The following CBL variants were observed in gnomAD, a reference collection of about 807,000 sequenced individuals.
CBL encodes Cbl proto-oncogene.
A neutral mutation model predicts 96.9 loss-of-function variants in CBL; 45 were observed. The observed-to-expected ratio is 0.46, with a 90% CI of 0.37 to 0.60. CBL has a LOEUF of 0.60. Among genes scored for constraint, CBL ranks in the 20% least tolerant of loss-of-function variants. The pLI, the probability that CBL is intolerant of heterozygous loss-of-function variation, is 0.00. For missense variants in CBL, 1,024 were observed against 1,143.5 expected (o/e 0.90, Z 1.51); for synonymous variants, 420 against 426.8 (o/e 0.98, Z 0.20).
At chr11:119,237,036 C>T (rs1949551907) in intron 2 of CBL, among the ~76,000 whole-genome samples, 1 of 152,158 alleles carries the variant, frequency 6.6e-6, no homozygotes, top group African/African-American at 2.4e-5. Flanking sequence ...TACTTTATCC[C>T]AGCTGGGATG....
chr11:119,261,392 A>C (rs1340885488), intron 2 of CBL, among the ~76,000 whole-genome samples: 1 of 152,212 alleles, frequency 6.6e-6, no homozygotes, highest in Non-Finnish European at 1.5e-5. Context: ...ATCGATGTCT[A>C]AGTTACATAC....
chr11:119,260,284 G>A (rs571933812), intron 2 of CBL, among the ~76,000 whole-genome samples: 33 of 144,700 alleles, frequency 2.3e-4, no homozygotes, highest in East Asian at 1.2e-3. Flanking sequence ...TCACTCTGTC[G>A]TTCAGACTGG....
At chr11:119,263,438 T>G (rs1229673067) in intron 2 of CBL, among the ~76,000 whole-genome samples, 4 of 150,890 alleles carry the variant, frequency 2.7e-5, no homozygotes, top group Non-Finnish European at 6.0e-5. Context: ...GAGTTAGATG[T>G]GTCCCCTTTA....
chr11:119,256,483 A>G (rs1340862744), intron 2 of CBL, among the ~76,000 whole-genome samples: 1 of 151,992 alleles, frequency 6.6e-6, no homozygotes, highest in East Asian at 1.9e-4. Flanking sequence ...GCCTGACCAT[A>G]TTTGTACATT....
rs376153112 is a variant in CBL at position 119,209,085 on chromosome 11, A to G, written c.195+2473A>G. On this transcript the variant is annotated intron_variant, in intron 1 of 15. Transcript: ENST00000264033. ...TTGCTCTGAAAACGTAGTACTTTCTAATGTGTTAGTCTGATACGTTTATAC... is the reference window on the plus strand; with the variant it reads ...TTGCTCTGAAAACGTAGTACTTTCTGATGTGTTAGTCTGATACGTTTATAC... Among the ~76,000 whole-genome samples, 3 of 152,086 alleles carry G rather than the reference A, an allele frequency of 2.0e-5. No homozygotes were observed. The South Asian group carries it at 6.2e-4, about 32-fold the overall frequency.
chr11:119,213,099 G>A (rs1453284304), intron 1 of CBL, among the ~76,000 whole-genome samples: 3 of 151,802 alleles, frequency 2.0e-5, no homozygotes, highest in African/African-American at 7.3e-5. Context: ...ACAGGCTTGA[G>A]CCACTGCGCC....
chr11:119,268,080 T>A lies in CBL; in HGVS notation c.444-3655T>A, dbSNP rs117108887. Among the ~76,000 whole-genome samples the A allele has an allele frequency of 2.3e-3, 343 of 152,274 alleles. 3 individuals carry two copies. Among genetic ancestry groups the A allele is most frequent in the Non-Finnish European group, 3.7e-3 (253 of 68,014 alleles). On this transcript the variant is annotated intron_variant, in intron 2 of 15. Coordinates refer to ENST00000264033, the MANE Select transcript of CBL (RefSeq NM_005188.4). ...ACATACTAGTGAAGAACTAAGAAGTTAGTTAGAAAGATAGGTTAGATCCAG... is the reference window on the plus strand; with the variant it reads ...ACATACTAGTGAAGAACTAAGAAGTAAGTTAGAAAGATAGGTTAGATCCAG...
At chr11:119,269,196 C>T (rs1420569384) in intron 2 of CBL, among the ~76,000 whole-genome samples, 4 of 149,684 alleles carry the variant, frequency 2.7e-5, no homozygotes, top group African/African-American at 9.8e-5. Context: ...CAAAGGATCT[C>T]AAGGTGCTAG....
chr11:119,226,232 T>C lies in CBL; in HGVS notation c.196-6216T>C, dbSNP rs145039115. ...AAATGATAGGACTAATGCTACCAGG[T>C]TCTGGGAATCATCAAAGGGTGATAT... On this transcript the variant is annotated intron_variant, in intron 1 of 15. Transcript: ENST00000264033. Among the ~76,000 whole-genome samples, 30 of 152,234 alleles carry C rather than the reference T, an allele frequency of 2.0e-4. No homozygotes were observed. The East Asian group carries it at 5.8e-3, about 29-fold the overall frequency.
intron 2 of CBL, among the ~76,000 whole-genome samples, chr11:119,239,895 A>G (rs909027065): frequency 6.6e-6 from 1 of 152,044 alleles, no homozygotes; most frequent in Admixed American, 6.6e-5. Context: ...AGTGCTAGTT[A>G]AATATAGTAC....
chr11:119,291,442 A>T (rs749407652), intron 12 of CBL, among the ~76,000 whole-genome samples: 7 of 152,222 alleles, frequency 4.6e-5, no homozygotes, highest in Non-Finnish European at 8.8e-5. Context: ...GTAGTGCCTC[A>T]TGCCTGTAAT....
At position 119,304,140 on chromosome 11, in the gene CBL, T is replaced by C. The variant is rs921566066; in HGVS notation, c.*4359T>C. The C allele has an allele frequency of 3.4e-5, 8 of 233,358 alleles. No individual in the cohort carries two copies. The highest frequency in any genetic ancestry group is 6.8e-5 in the Non-Finnish European group (8 of 118,052). 14.5% of individuals were successfully genotyped at this position (233,358 alleles called of 1,614,324 possible). ...CCTCCCAGAGCAAGGAGTTTAGGGA[T>C]TCTAAAGCTTAGTGTCCACACATCA... On this transcript the variant is annotated 3_prime_UTR_variant, in exon 16 of 16. Coordinates refer to ENST00000264033, the MANE Select transcript of CBL (RefSeq NM_005188.4).
rs1316377836 is a variant in CBL at position 119,307,987 on chromosome 11, C to T, written c.*8206C>T. On this transcript the variant is annotated 3_prime_UTR_variant, in exon 16 of 16. Coordinates refer to ENST00000264033, the MANE Select transcript of CBL (RefSeq NM_005188.4). ...TTAAGATTCATTTTCATTTTAAGTC[C>T]ATTTTATTTTGCCAGTGTATTAATG... The T allele has an allele frequency of 1.0e-5, 2 of 192,736 alleles. No homozygotes were observed. Among genetic ancestry groups the T allele is most frequent in the African/African-American group, 2.3e-5 (1 of 43,064 alleles). The allele number at this position is 192,736 out of a possible 1,614,324, so 11.9% of individuals were successfully genotyped here. A position where few individuals can be genotyped will look rare whatever the true frequency, so the allele number is the denominator to read the frequency against.
Position 119,298,476 on chromosome 11 carries a change from C to T in CBL, c.2370C>T (p.Leu790=), listed in dbSNP as rs1303071945. 9 of 1,614,080 alleles carry T rather than the reference C, an allele frequency of 5.6e-6. No individual in the cohort carries two copies. The African/African-American group carries it at 1.2e-4, about 22-fold the overall frequency. The change falls in exon 15 of 16, where the codon CTC becomes CTT. Residue 790 remains leucine (L), a synonymous_variant. Transcript: ENST00000264033. ...PVPAVLARRT[L]SDISNASSSF... ...CGGCCGTGCTGGCCCGCCGAACTCT[C>T]TCAGATATCTCTAATGCCAGCTCCT...
At chr11:119,236,400 G>C (rs1179056754) in intron 2 of CBL, among the ~76,000 whole-genome samples, 1 of 151,836 alleles carries the variant, frequency 6.6e-6, no homozygotes, top group African/African-American at 2.4e-5. Context: ...CCATATTGTA[G>C]CATGTATTGG....
At chr11:119,272,267 GC>G (rs997608114) in intron 3 of CBL, among the ~76,000 whole-genome samples, 3 of 152,100 alleles carry the variant, frequency 2.0e-5, no homozygotes, top group African/African-American at 7.2e-5. Flanking sequence ...GACTATAGGT[GC>G]CTGCCACCAC....
Position 119,300,010 on chromosome 11 carries a change from G to C in CBL, c.*229G>C. On this transcript the variant is annotated 3_prime_UTR_variant, in exon 16 of 16. Coordinates refer to ENST00000264033, the MANE Select transcript of CBL (RefSeq NM_005188.4). ...TGAGTGCATTTGAAGGTGTCCTTCA[G>C]TTCCCACGTAGAGAGAGTGTGGATT... The C allele has an allele frequency of 1.6e-6, 1 of 608,302 alleles. No individual in the cohort carries two copies. The highest frequency in any genetic ancestry group is 2.8e-5 in the East Asian group (1 of 35,848). The allele number at this position is 608,302 out of a possible 1,614,324, so 37.7% of individuals were successfully genotyped here.
intron 2 of CBL, among the ~76,000 whole-genome samples, chr11:119,266,506 T>A (rs1013995948): frequency 2.6e-5 from 4 of 152,174 alleles, no homozygotes; most frequent in African/African-American, 9.7e-5. Flanking sequence ...CTTAGTTCTT[T>A]ATTATGTGAA....
At chr11:119,216,768 A>C (rs1189700471) in intron 1 of CBL, among the ~76,000 whole-genome samples, 1 of 152,154 alleles carries the variant, frequency 6.6e-6, no homozygotes, top group African/African-American at 2.4e-5. Flanking sequence ...GAAATGTAGA[A>C]GTCTCCTTTT....
Sources: gnomAD v4.1 joint callset for allele counts (sites outside exome capture counted in the v4.1 genomes callset) on GRCh38, gnomAD v4.1.1 for gene constraint, MANE v1.5 for transcripts, NCBI Gene and HGNC (gene_info 2026-07-23, HGNC 2026-07-21) for gene names.